CELF2: variants seen among roughly 807,000 people sequenced by gnomAD.
CELF2 encodes CUGBP Elav-like family member 2.
Under a neutral mutation model 62.6 loss-of-function variants are expected in CELF2, and 8 were observed. The ratio of observed to expected loss-of-function variants is 0.13; its 90% CI spans 0.07 to 0.23. The LOEUF (loss-of-function observed/expected upper bound fraction) is 0.23, where lower values mean the gene tolerates loss of function less well. Ranked by LOEUF, CELF2 falls within the 10% of genes least tolerant of loss-of-function variation. The probability of loss-of-function intolerance (pLI) is 1.00; values close to 1 mark genes in which losing one functional copy is unlikely to be tolerated. For missense variants in CELF2, 333 were observed against 671.0 expected (o/e 0.50, Z 5.56); for synonymous variants, 258 against 250.0 (o/e 1.03, Z -0.30).
At chr10:11,262,361 G>A (rs1258775163) in intron 5 of CELF2, among the ~76,000 whole-genome samples, 1 of 152,126 alleles carries the variant, frequency 6.6e-6, no homozygotes, top group African/African-American at 2.4e-5. Flanking sequence ...CAAACACAGC[G>A]AGATGCTGTC....
At chr10:10,651,401 C>T in the CELF2 span, among the ~76,000 whole-genome samples, 2 of 146,064 alleles carry the variant, frequency 1.4e-5, no homozygotes, top group South Asian at 2.4e-4. Context: ...CCTCTGTAGG[C>T]TCCACCTCTG....
At position 11,191,141 on chromosome 10, in the gene CELF2, C is replaced by T. The variant is rs1046489796; in HGVS notation, c.271+25459C>T. On this transcript the variant is annotated intron_variant, in intron 2 of 12. Transcript: ENST00000633077. The surrounding 1 kb of genome is among the most constrained non-coding windows in gnomAD (Gnocchi z 4.1). ...TCTGTTTTCTTGTCTGTAAATGGGG[C>T]CTGATGTATTGAAAGGCACCTGGCT... 2.6e-5 allele frequency among the ~76,000 whole-genome samples: 4 copies of T among 152,112 alleles called. No individual in the cohort carries two copies. Among genetic ancestry groups the T allele is most frequent in the Non-Finnish European group, 5.9e-5 (4 of 68,036 alleles).
chr10:10,789,499 C>G, the CELF2 span, among the ~76,000 whole-genome samples: 2 of 152,052 alleles, frequency 1.3e-5, no homozygotes, highest in Non-Finnish European at 2.9e-5. Context: ...AAATAAAAAT[C>G]CTGTGTCAAA....
At chr10:10,736,172 C>T in the CELF2 span, among the ~76,000 whole-genome samples, 2 of 152,164 alleles carry the variant, frequency 1.3e-5, no homozygotes, top group Non-Finnish European at 2.9e-5. Context: ...GATACAAACC[C>T]TGAAAAGAGC....
the CELF2 span, among the ~76,000 whole-genome samples, chr10:10,625,779 C>G: frequency 1.3e-5 from 2 of 152,198 alleles, no homozygotes; most frequent in East Asian, 1.9e-4. Flanking sequence ...ACAAGGGCCC[C>G]GTCCCGTGAT....
At chr10:10,794,187 T>A (rs1301602593), upstream of CELF2, among the ~76,000 whole-genome samples, 2 of 151,918 alleles carry the variant, frequency 1.3e-5, no homozygotes, top group Non-Finnish European at 2.9e-5. Context: ...AGTGCTGGGG[T>A]TTTTTAGCTC....
rs117960881 is a variant in CELF2 at position 10,904,728 on chromosome 10, A to G, written c.54-15236A>G. Among the ~76,000 whole-genome samples, 487 of 152,204 alleles carry G rather than the reference A, an allele frequency of 3.2e-3. 2 individuals carry two copies. The highest frequency in any genetic ancestry group is 4.3e-3 in the East Asian group (22 of 5,168). On this transcript the variant is annotated intron_variant, in intron 1 of 13. Coordinates refer to the CELF2 transcript ENST00000636488. Reference sequence around the variant, plus strand: ...TGGGGAGGGTTTAAACTGAGCTTTAACCCCATACTCCTGAGAAATACAGTT... The same window carrying G: ...TGGGGAGGGTTTAAACTGAGCTTTAGCCCCATACTCCTGAGAAATACAGTT...
chr10:10,913,668 G>C (rs1041840128), intron 1 of CELF2, among the ~76,000 whole-genome samples: 2 of 151,432 alleles, frequency 1.3e-5, no homozygotes, highest in Non-Finnish European at 2.9e-5. Context: ...TGTGATTACA[G>C]GTGTGAGCCG....
At chr10:11,140,094 C>T (rs2061080782) in intron 1 of CELF2, among the ~76,000 whole-genome samples, 1 of 152,142 alleles carries the variant, frequency 6.6e-6, no homozygotes, top group South Asian at 2.1e-4. Context: ...TGAGAAACTG[C>T]CTCTGCTCAA....
rs142824324 is a variant in CELF2, at chr10:11,151,424, C to T, written c.75-14062C>T. Among the ~76,000 whole-genome samples, 73 of 152,008 alleles carry T rather than the reference C, an allele frequency of 4.8e-4. 2 individuals carry two copies. On this transcript the variant is annotated intron_variant, in intron 1 of 12. Transcript: ENST00000633077. ...CGATAGTGTAGGATTTTGCTGTTGC[C>T]GACAGTTTATGGATTGTTGGTTTTG... is the stretch of plus-strand genomic sequence containing the variant.
intron 1 of CELF2, among the ~76,000 whole-genome samples, chr10:11,052,628 T>C (rs1308207504): frequency 6.6e-6 from 1 of 152,254 alleles, no homozygotes; most frequent in Non-Finnish European, 1.5e-5. Flanking sequence ...TTCAATAGTT[T>C]TGTGTTTAGT....
At chr10:10,484,731 A>C in the CELF2 span, among the ~76,000 whole-genome samples, 3 of 152,156 alleles carry the variant, frequency 2.0e-5, no homozygotes, top group Admixed American at 2.0e-4. Context: ...AAAAATGTTA[A>C]TGTGGCTTTC....
chr10:11,155,215 A>C (rs969966729), intron 1 of CELF2, among the ~76,000 whole-genome samples: 3 of 152,224 alleles, frequency 2.0e-5, no homozygotes, highest in Non-Finnish European at 2.9e-5. Context: ...TATTGAGCTT[A>C]ATGTGACCCC....
chr10:10,714,092 C>T, the CELF2 span, among the ~76,000 whole-genome samples: 1 of 151,920 alleles, frequency 6.6e-6, no homozygotes, highest in Non-Finnish European at 1.5e-5. Flanking sequence ...GCAATAAGAC[C>T]AACACGAAGA....
chr10:11,005,290 G>A (rs1391616043), upstream of CELF2: 44 of 1,585,218 alleles, frequency 2.8e-5, no homozygotes, highest in Admixed American at 7.0e-4. This position sits in a 1 kb window ranked among gnomAD's most constrained non-coding sequence, Gnocchi z 4.3. Context: ...GAGAGAGAGA[G>A]AGAGGGAGGA....
the CELF2 span, among the ~76,000 whole-genome samples, chr10:10,791,179 T>C: frequency 4.4e-4 from 67 of 152,288 alleles, 1 homozygote; most frequent in East Asian, 3.9e-3. Flanking sequence ...AAAATGTTGA[T>C]GTACAATAGC....
At chr10:10,916,473 A>G (rs959869701) in intron 1 of CELF2, among the ~76,000 whole-genome samples, 16 of 152,354 alleles carry the variant, frequency 1.1e-4, no homozygotes, top group East Asian at 7.7e-4. Flanking sequence ...CATGATGAAC[A>G]TGACTTTTCC....
intron 1 of CELF2, among the ~76,000 whole-genome samples, chr10:10,813,150 G>T (rs2056100115): frequency 6.6e-6 from 1 of 152,174 alleles, no homozygotes; most frequent in Non-Finnish European, 1.5e-5. Flanking sequence ...CTTCCGTAGA[G>T]CTGATGGACG....
chr10:11,292,559 G>A (rs989525188), intron 9 of CELF2, among the ~76,000 whole-genome samples: 2 of 152,198 alleles, frequency 1.3e-5, no homozygotes, highest in African/African-American at 4.8e-5. Flanking sequence ...TTCATGCAGG[G>A]CAAATACATA....
Sources: gnomAD v4.1 joint callset for allele counts (sites outside exome capture counted in the v4.1 genomes callset) on GRCh38, gnomAD v4.1.1 for gene constraint, Gnocchi (gnomAD v3.1) non-coding constraint, MANE v1.5 for transcripts, NCBI Gene and HGNC (gene_info 2026-07-23, HGNC 2026-07-21) for gene names.